Variants in MYOM3 observed in about 807,000 individuals in gnomAD.
MYOM3 encodes the protein myomesin 3, also known as myomesin-3.
MYOM3 carries 155 observed loss-of-function variants against 191.7 expected under a neutral mutation model. That is an observed-to-expected ratio of 0.81 (90% confidence interval 0.71 to 0.92). The LOEUF (loss-of-function observed/expected upper bound fraction) is 0.92, where lower values mean the gene tolerates loss of function less well. MYOM3 is among the 40% of genes least tolerant of loss of function. The probability of loss-of-function intolerance (pLI) is 0.00; values close to 1 mark genes in which losing one functional copy is unlikely to be tolerated. For missense variants in MYOM3, 1,889 were observed against 1,890.6 expected (o/e 1.00, Z 0.02); for synonymous variants, 757 against 762.9 (o/e 0.99, Z 0.13).
At chr1:24,076,020 C>T (rs934321053) in intron 21 of MYOM3, 139 bp downstream of exon 21, 14 of 639,288 alleles carry the variant, frequency 2.2e-5, no homozygotes, top group Admixed American at 5.1e-5. Flanking sequence ...GATGACCCCT[C>T]CCTCAGGGGC....
chr1:24,092,443 G>A (rs1643850748), intron 10 of MYOM3, 128 bp from the exon 11 acceptor site: 1 of 781,362 alleles, frequency 1.3e-6, no homozygotes, highest in Admixed American at 4.1e-5. Context: ...TTGAGGACTG[G>A]GGCCTGAATA....
chr1:24,101,647 G>C (rs981255270), intron 5 of MYOM3, among the ~76,000 whole-genome samples: 4 of 152,204 alleles, frequency 2.6e-5, no homozygotes, highest in African/African-American at 4.8e-5. Context: ...AGCTACTCAG[G>C]AGGCTGAGGC....
chr1:24,075,029 A>T (rs981485699), intron 22 of MYOM3, among the ~76,000 whole-genome samples: 2 of 152,192 alleles, frequency 1.3e-5, no homozygotes, highest in African/African-American at 4.8e-5. Context: ...GTGAGCCGAG[A>T]TCATGCCATT....
intron 3 of MYOM3, 98 bp from the exon 4 acceptor site, chr1:24,107,330 T>C: frequency 8.6e-7 from 1 of 1,160,984 alleles, no homozygotes; most frequent in Non-Finnish European, 1.2e-6. Context: ...GCCAGGATGC[T>C]TTAAACTTTT....
In MYOM3 at chr1:24,082,204, G is replaced by A; in HGVS notation, c.2093-16C>T. The A allele has an allele frequency of 6.9e-6, 11 of 1,591,892 alleles. No individual in the cohort carries two copies. Among genetic ancestry groups the A allele is most frequent in the Non-Finnish European group, 9.4e-6 (11 of 1,168,830 alleles). On this transcript the variant is annotated splice_polypyrimidine_tract_variant and intron_variant, in intron 17 of 36. Transcript: ENST00000374434. Reference sequence around the variant, plus strand: ...GACGGGGTAGCTACAGGGAGGTAAGGAGGTGAGGACAGCTGCTCCCTAGGG... The same window carrying A: ...GACGGGGTAGCTACAGGGAGGTAAGAAGGTGAGGACAGCTGCTCCCTAGGG...
chr1:24,074,085 TGCTGACC>T, intron 23 of MYOM3, 68 bp downstream of exon 23: 1 of 1,223,648 alleles, frequency 8.2e-7, no homozygotes, highest in African/African-American at 1.5e-5. Context: ...GGTTGCTTTT[TGCTGACC>T]TGTGTGGGCA....
rs1643966138 is a variant in MYOM3 at position 24,104,485 on chromosome 1, T to C, written c.560+1435A>G. ...AGATTGTGTCTGGTTATTTCTTTTC[T>C]TTTTTTTTGAGACAGAGTCCTGTTC... is the stretch of plus-strand genomic sequence containing the variant. On this transcript the variant is annotated intron_variant, in intron 5 of 36. Transcript: ENST00000374434. 1.3e-5 allele frequency among the ~76,000 whole-genome samples: 2 copies of C among 151,500 alleles called. 1 individual carries two copies. The highest frequency in any genetic ancestry group is 4.9e-5 in the African/African-American group (2 of 41,208).
intron 22 of MYOM3, 124 bp from the exon 23 acceptor site, chr1:24,074,393 G>T: frequency 1.5e-6 from 1 of 663,398 alleles, no homozygotes; most frequent in East Asian, 2.7e-5. Flanking sequence ...CCCTGGCCAA[G>T]TCAGGAAGCA....
At chr1:24,099,807 G>A (rs1643899803) in intron 5 of MYOM3, 32 bp from the exon 6 acceptor site, 1 of 1,566,044 alleles carries the variant, frequency 6.4e-7, no homozygotes, top group East Asian at 2.2e-5. Flanking sequence ...TGGCAGGCAG[G>A]GTGGTTCTAA....
Position 24,093,052 on chromosome 1 carries a change from A to T in MYOM3, c.985T>A (p.Ser329Thr). The T allele has an allele frequency of 1.9e-6, 3 of 1,613,190 alleles. No individual in the cohort carries two copies. Among genetic ancestry groups the T allele is most frequent in the Non-Finnish European group, 2.5e-6 (3 of 1,179,926 alleles). ...TTGTAGGTGCAGGACACCTTCAGGGATGCCTGGCGGTCTGTGTAGAGGATC... is the reference window on the plus strand; with the variant it reads ...TTGTAGGTGCAGGACACCTTCAGGGTTGCCTGGCGGTCTGTGTAGAGGATC... Reference protein sequence around the residue: ...RKILYTDRQASLKVSCTYKED... With the variant: ...RKILYTDRQATLKVSCTYKED... The change falls in exon 10 of 37, where the codon TCC (serine) becomes ACC (threonine). Residue 329 changes from serine (S) to threonine (T), a missense_variant. Transcript: ENST00000374434.
rs769484569 is a variant in MYOM3 at position 24,057,578 on chromosome 1, G to A, written c.4100C>T (p.Ser1367Phe). The change falls in exon 37 of 37, where the codon TCT (serine) becomes TTT (phenylalanine). Residue 1367 changes from serine to phenylalanine, a missense_variant. Ser to Phe is a radical substitution (Grantham distance 155, BLOSUM62 -2). Transcript: ENST00000374434. ...IVSGDPTPEI[S>F]WLKNDQPVTF... Reference sequence around the variant, plus strand: ...GACAGGCTGGTCATTCTTCAGCCAAGAGATTTCAGGGGTGGGGTCTCCTGA... The same window carrying A: ...GACAGGCTGGTCATTCTTCAGCCAAAAGATTTCAGGGGTGGGGTCTCCTGA... 44 of 1,614,168 alleles carry A rather than the reference G, an allele frequency of 2.7e-5. No homozygotes were observed. Among genetic ancestry groups the A allele is most frequent in the Non-Finnish European group, 3.6e-5 (43 of 1,180,028 alleles).
At chr1:24,061,756 A>T (rs1643372305) in intron 33 of MYOM3, among the ~76,000 whole-genome samples, 190 bp downstream of exon 33, 1 of 151,822 alleles carries the variant, frequency 6.6e-6, no homozygotes, top group African/African-American at 2.4e-5. Context: ...AATTATTTTT[A>T]GTTTTTGTAG....
chr1:24,107,348 A>G lies in MYOM3; in HGVS notation c.243-116T>C, dbSNP rs1317249127. ...AGGATGCTTTAAACTTTTGGAGGACATGCATGATTTTGCATCTTCCCTTGC... is the reference window on the plus strand; with the variant it reads ...AGGATGCTTTAAACTTTTGGAGGACGTGCATGATTTTGCATCTTCCCTTGC... On this transcript the variant is annotated intron_variant, in intron 3 of 36. Coordinates refer to ENST00000374434, the MANE Select transcript of MYOM3 (RefSeq NM_152372.4). 7.2e-6 allele frequency: 7 copies of G among 971,974 alleles called. No homozygotes were observed. In the Admixed American group the frequency reaches 1.2e-4, roughly 17 times the overall value. The allele number at this position is 971,974 out of a possible 1,614,324, so 60.2% of individuals were successfully genotyped here. A position where few individuals can be genotyped will look rare whatever the true frequency, so the allele number is the denominator to read the frequency against.
intron 3 of MYOM3, among the ~76,000 whole-genome samples, chr1:24,107,511 A>G (rs1315727034): frequency 1.3e-5 from 2 of 152,014 alleles, no homozygotes; most frequent in African/African-American, 2.4e-5. Flanking sequence ...TAGTGTCCCT[A>G]TTTTATAGGG....
chr1:24,100,652 T>C (rs1643905109), intron 5 of MYOM3, among the ~76,000 whole-genome samples: 2 of 152,160 alleles, frequency 1.3e-5, no homozygotes, highest in East Asian at 1.9e-4. Flanking sequence ...TTTGGGAGGC[T>C]GAGGCGGGCG....
Position 24,090,790 on chromosome 1 carries a change from T to C in MYOM3, c.1432+7A>G. 6.2e-7 allele frequency: 1 copy of C among 1,613,974 alleles called. No homozygotes were observed. The highest frequency in any genetic ancestry group is 8.5e-7 in the Non-Finnish European group (1 of 1,179,924). On this transcript the variant is annotated splice_region_variant and intron_variant, in intron 12 of 36. Transcript: ENST00000374434. ...TCTAGAAAGTCGCTTAGGACCTCTG[T>C]ACCCACCTGTCTTCCTCCGGGCTGC...
At chr1:24,084,691 A>G (rs747355913) in intron 15 of MYOM3, 52 bp from the exon 16 acceptor site, 1 of 1,527,324 alleles carries the variant, frequency 6.5e-7, no homozygotes, top group Non-Finnish European at 8.9e-7. Context: ...CATGGGTCTG[A>G]CAGGCTGGGG....
rs151167847 is a variant in MYOM3 at position 24,067,256 on chromosome 1, G to A, written c.3356-168C>T. On this transcript the variant is annotated intron_variant, in intron 27 of 36. Transcript: ENST00000374434. Reference sequence around the variant, plus strand: ...GTGAGGCAGGGGCGGTGCTCAGAGCGCAAATTTCTTTCTTTCTTTCTTCCT... The same window carrying A: ...GTGAGGCAGGGGCGGTGCTCAGAGCACAAATTTCTTTCTTTCTTTCTTCCT... Among the ~76,000 whole-genome samples, 6 of 150,440 alleles carry A rather than the reference G, an allele frequency of 4.0e-5. No individual in the cohort carries two copies. The East Asian group carries it at 1.0e-3, about 25-fold the overall frequency.
At chr1:24,085,249 G>A (rs1435498402) in intron 15 of MYOM3, among the ~76,000 whole-genome samples, 1 of 149,032 alleles carries the variant, frequency 6.7e-6, no homozygotes, top group Admixed American at 6.7e-5. Context: ...TGGATTCATG[G>A]ATGAATAAAT....
Sources: gnomAD v4.1 joint callset for allele counts (sites outside exome capture counted in the v4.1 genomes callset) on GRCh38, gnomAD v4.1.1 for gene constraint, MANE v1.5 for transcripts, NCBI Gene and HGNC (gene_info 2026-07-23, HGNC 2026-07-21) for gene names.